The following CAMKMT variants were observed in gnomAD, a reference collection of about 807,000 sequenced individuals.
The protein encoded by CAMKMT is calmodulin-lysine N-methyltransferase.
CAMKMT carries 53 observed loss-of-function variants against 48.0 expected under a neutral mutation model. The ratio of observed to expected loss-of-function variants is 1.10; its 90% CI spans 0.89 to 1.39. CAMKMT has a LOEUF of 1.39. CAMKMT is among the 40% of genes most tolerant of loss of function. The pLI is 0.00. For synonymous variants in CAMKMT, 165 were observed against 152.3 expected (o/e 1.08, Z -0.61); for missense variants, 428 against 402.7 (o/e 1.06, Z -0.54).
chr2:44,627,697 C>CTTTTTTGTTTT (rs1672566471), intron 3 of CAMKMT, among the ~76,000 whole-genome samples: 1 of 75,098 alleles, frequency 1.3e-5, no homozygotes, highest in Non-Finnish European at 2.4e-5. Context: ...CCATTTTATC[C>CTTTTTTGTTTT]TTTTTTTTTT....
At chr2:44,692,387 G>A (rs1346003054) in intron 3 of CAMKMT, among the ~76,000 whole-genome samples, 1 of 152,112 alleles carries the variant, frequency 6.6e-6, no homozygotes, top group African/African-American at 2.4e-5. Context: ...GAGAAGTGAG[G>A]CATTACCCAA....
intron 3 of CAMKMT, among the ~76,000 whole-genome samples, chr2:44,455,288 G>A (rs1214322122): frequency 6.6e-6 from 1 of 151,654 alleles, no homozygotes; most frequent in Non-Finnish European, 1.5e-5. Context: ...TGGGCAGGAT[G>A]AAAGAAGTCA....
chr2:44,630,616 C>T (rs937949538), intron 3 of CAMKMT, among the ~76,000 whole-genome samples: 1 of 151,864 alleles, frequency 6.6e-6, no homozygotes, highest in African/African-American at 2.4e-5. Flanking sequence ...CAAAAGAAGA[C>T]ATTTATGCAG....
At chr2:44,536,273 C>A (rs1255344214) in intron 3 of CAMKMT, among the ~76,000 whole-genome samples, 1 of 151,470 alleles carries the variant, frequency 6.6e-6, no homozygotes, top group African/African-American at 2.4e-5. Context: ...GTTAAAATGA[C>A]CATACTACCC....
intron 7 of CAMKMT, among the ~76,000 whole-genome samples, chr2:44,738,434 T>C (rs1175856341): frequency 6.6e-6 from 1 of 152,244 alleles, no homozygotes; most frequent in Non-Finnish European, 1.5e-5. Context: ...TTAGAAAGCA[T>C]TTTAAGTGGA....
At chr2:44,668,814 C>T (rs796620328) in intron 3 of CAMKMT, among the ~76,000 whole-genome samples, 6 of 151,912 alleles carry the variant, frequency 3.9e-5, no homozygotes, top group African/African-American at 1.4e-4. Flanking sequence ...CAGAGTCTCA[C>T]TCTGATGCCC....
chr2:44,704,453 A>C, intron 4 of CAMKMT, 110 bp downstream of exon 4: 1 of 736,022 alleles, frequency 1.4e-6, no homozygotes, highest in South Asian at 2.7e-5. Flanking sequence ...AAAAAATATA[A>C]GAAAAGAAAA....
At chr2:44,450,703 A>G (rs1332747712) in intron 3 of CAMKMT, among the ~76,000 whole-genome samples, 1 of 152,148 alleles carries the variant, frequency 6.6e-6, no homozygotes, top group Non-Finnish European at 1.5e-5. Context: ...TATTTGAAAA[A>G]AGAGGAATAA....
At chr2:44,457,218 C>T (rs1667610266) in intron 3 of CAMKMT, 2 of 152,042 alleles carry the variant, frequency 1.3e-5, no homozygotes, top group African/African-American at 4.8e-5. Context: ...TTATTTTCTG[C>T]ATACAAATAA....
chr2:44,487,607 C>A (rs1366442758), intron 3 of CAMKMT, among the ~76,000 whole-genome samples: 2 of 152,084 alleles, frequency 1.3e-5, no homozygotes, highest in Non-Finnish European at 2.9e-5. Flanking sequence ...ACCAGGTAAC[C>A]GGAGTGAAGA....
At chr2:44,535,477 C>A (rs1045552735) in intron 3 of CAMKMT, among the ~76,000 whole-genome samples, 1 of 152,080 alleles carries the variant, frequency 6.6e-6, no homozygotes. Context: ...AACATAGGTG[C>A]AAAGGTTCTC....
intron 3 of CAMKMT, among the ~76,000 whole-genome samples, chr2:44,596,411 T>C (rs988402783): frequency 6.6e-6 from 1 of 151,476 alleles, no homozygotes; most frequent in African/African-American, 2.4e-5. Flanking sequence ...CATGTGCCAC[T>C]GCACTCCAGG....
intron 3 of CAMKMT, among the ~76,000 whole-genome samples, chr2:44,475,342 G>A (rs1223103091): frequency 6.7e-6 from 1 of 149,142 alleles, no homozygotes; most frequent in African/African-American, 2.5e-5. Context: ...TTTTGAGATG[G>A]AGTCTTGCTC....
chr2:44,688,379 C>T (rs1573080656), intron 3 of CAMKMT, among the ~76,000 whole-genome samples: 1 of 151,960 alleles, frequency 6.6e-6, no homozygotes, highest in East Asian at 1.9e-4. Context: ...TGTCACATTT[C>T]CTTCATATCA....
At chr2:44,766,145 A>C (rs1413108266) in intron 9 of CAMKMT, among the ~76,000 whole-genome samples, 1 of 152,202 alleles carries the variant, frequency 6.6e-6, no homozygotes, top group Non-Finnish European at 1.5e-5. Context: ...GAGACAATGC[A>C]TATTGTTCGG....
At chr2:44,410,181 C>T (rs1195026949) in intron 3 of CAMKMT, among the ~76,000 whole-genome samples, 1 of 142,138 alleles carries the variant, frequency 7.0e-6, no homozygotes, top group African/African-American at 2.7e-5. Flanking sequence ...ACCAGTAATC[C>T]AGTAGTAATA....
At chr2:44,402,740 G>GTTTTTTTTTTTTTTTTTT in intron 3 of CAMKMT, among the ~76,000 whole-genome samples, 48 of 94,086 alleles carry the variant, frequency 5.1e-4, no homozygotes, top group East Asian at 1.5e-3. Context: ...TTGTTTTGCT[G>GTTTTTTTTTTTTTTTTTT]TTTTTTTTTT....
chr2:44,565,814 C>T (rs1668584194), intron 3 of CAMKMT, among the ~76,000 whole-genome samples: 1 of 152,098 alleles, frequency 6.6e-6, no homozygotes, highest in Admixed American at 6.6e-5. Flanking sequence ...CTGGGCAGGG[C>T]ACAGGTATTA....
chr2:44,378,553 G>A (rs1437489970), intron 2 of CAMKMT, among the ~76,000 whole-genome samples: 7 of 152,136 alleles, frequency 4.6e-5, no homozygotes, highest in African/African-American at 1.7e-4. Flanking sequence ...GAGTGCAGTG[G>A]TGCAATCTTG....
Sources: allele counts gnomAD v4.1 joint callset (sites outside exome capture counted in the v4.1 genomes callset), GRCh38; gene constraint gnomAD v4.1.1; transcripts MANE v1.5; gene names NCBI Gene and HGNC (gene_info 2026-07-23, HGNC 2026-07-21).